CALN1: variants seen among roughly 807,000 people sequenced by gnomAD.
CALN1 encodes the protein calcium-binding protein 8.
A neutral mutation model predicts 30.6 loss-of-function variants in CALN1; 17 were observed. That is an observed-to-expected ratio of 0.56 (90% CI 0.38 to 0.83). CALN1 has a LOEUF of 0.83. CALN1 is among the 40% of genes least tolerant of loss of function. CALN1 has a pLI of 0.00. For synonymous variants in CALN1, 156 were observed against 131.4 expected (o/e 1.19, Z -1.28); for missense variants, 291 against 354.9 (o/e 0.82, Z 1.45).
intron 3 of CALN1, among the ~76,000 whole-genome samples, chr7:72,211,686 G>T (rs927052645): frequency 2.6e-5 from 4 of 152,218 alleles, no homozygotes; most frequent in Non-Finnish European, 5.9e-5. Flanking sequence ...GCATGTGCTT[G>T]TTCCTATTGA....
Position 71,779,502 on chromosome 7 carries a change from A to G in CALN1, c.*8273T>C, listed in dbSNP as rs1421218343. On this transcript the variant is annotated 3_prime_UTR_variant, in exon 7 of 7. Coordinates refer to ENST00000395275, the MANE Select transcript of CALN1 (RefSeq NM_031468.4). Reference sequence around the variant, plus strand: ...AATGGAATCTCTTGTCAAAAGAAAAAAAAACTTTTATTTTTTCTATTGCAT... The same window carrying G: ...AATGGAATCTCTTGTCAAAAGAAAAGAAAACTTTTATTTTTTCTATTGCAT... 3.3e-5 allele frequency: 5 copies of G among 152,114 alleles called. No individual in the cohort carries two copies. The highest frequency in any genetic ancestry group is 1.2e-4 in the African/African-American group (5 of 41,372). The allele number at this position is 152,114 out of a possible 1,614,324, so 9.4% of individuals were successfully genotyped here.
At chr7:71,957,419 C>T (rs778687014) in intron 5 of CALN1, among the ~76,000 whole-genome samples, 5 of 152,088 alleles carry the variant, frequency 3.3e-5, no homozygotes, top group East Asian at 1.9e-4. Context: ...ACACTCTTTT[C>T]GTAGTAAGCA....
intron 4 of CALN1, among the ~76,000 whole-genome samples, chr7:72,078,752 A>G (rs535957019): frequency 6.6e-4 from 100 of 152,262 alleles, no homozygotes; most frequent in African/African-American, 2.1e-3. Context: ...CCTGGCCAAC[A>G]TGGTGAAACC....
At chr7:72,237,638 A>C (rs1344500088) in intron 3 of CALN1, among the ~76,000 whole-genome samples, 6 of 152,164 alleles carry the variant, frequency 3.9e-5, no homozygotes, top group Non-Finnish European at 7.3e-5. Context: ...CTTGGGGCTG[A>C]GTTCTGGGAG....
At chr7:72,158,671 T>A (rs1456564635) in intron 3 of CALN1, among the ~76,000 whole-genome samples, 2 of 152,140 alleles carry the variant, frequency 1.3e-5, no homozygotes, top group Non-Finnish European at 2.9e-5. Context: ...CTTTGCTTGA[T>A]GTGTATCTGC....
At chr7:72,304,101 G>A (rs1368548277) in intron 2 of CALN1, among the ~76,000 whole-genome samples, 1 of 152,208 alleles carries the variant, frequency 6.6e-6, no homozygotes, top group African/African-American at 2.4e-5. Context: ...ATGAAGAGGT[G>A]CTAAGCCCTC....
chr7:71,815,844 T>C (rs989215574), intron 5 of CALN1, among the ~76,000 whole-genome samples: 1 of 112,370 alleles, frequency 8.9e-6, no homozygotes, highest in Non-Finnish European at 1.7e-5. Context: ...CCCTCCCTCC[T>C]TCCTTCCTTC....
intron 3 of CALN1, among the ~76,000 whole-genome samples, chr7:72,209,317 C>CGT: frequency 5.9e-5 from 5 of 84,448 alleles, no homozygotes; most frequent in African/African-American, 3.3e-4. Context: ...TCCCTCCTTC[C>CGT]CTCCTTCCCT....
intron 1 of CALN1, among the ~76,000 whole-genome samples, chr7:72,427,886 G>A (rs745419892): frequency 3.0e-4 from 46 of 152,062 alleles, no homozygotes; most frequent in Admixed American, 1.1e-3. Flanking sequence ...AATGACTGTT[G>A]CGTGGTCCAG....
upstream of CALN1, among the ~76,000 whole-genome samples, chr7:72,414,659 G>A (rs939981582): frequency 6.6e-6 from 1 of 152,198 alleles, no homozygotes; most frequent in East Asian, 1.9e-4. Context: ...ATTTCTCCCA[G>A]GACGACTGAG....
chr7:72,022,547 CA>C (rs1800762526), intron 5 of CALN1, among the ~76,000 whole-genome samples: 1 of 152,170 alleles, frequency 6.6e-6, no homozygotes, highest in East Asian at 1.9e-4. Flanking sequence ...CATGCGCCAT[CA>C]CATTTGGCTA....
chr7:72,097,295 A>C (rs1386785496), intron 4 of CALN1, among the ~76,000 whole-genome samples: 2 of 152,204 alleles, frequency 1.3e-5, no homozygotes, highest in African/African-American at 4.8e-5. Flanking sequence ...GTACCCTAGA[A>C]CTTAAAGTGT....
chr7:72,129,180 TATTTC>T (rs1808970841), intron 3 of CALN1, among the ~76,000 whole-genome samples: 1 of 152,216 alleles, frequency 6.6e-6, no homozygotes, highest in Non-Finnish European at 1.5e-5. Flanking sequence ...TGTATACTTA[TATTTC>T]ACCTAGAAGG....
At position 71,780,106 on chromosome 7, in the gene CALN1, G is replaced by A. The variant is rs557236372; in HGVS notation, c.*7669C>T. ...TTTCTGAGTCTAATTTTTCTCCAAAGTCATTGTTTTTGGTTGGTCCTTGGA... is the reference window on the plus strand; with the variant it reads ...TTTCTGAGTCTAATTTTTCTCCAAAATCATTGTTTTTGGTTGGTCCTTGGA... On this transcript the variant is annotated 3_prime_UTR_variant, in exon 7 of 7. Transcript: ENST00000395275. 1.1e-4 allele frequency: 16 copies of A among 152,300 alleles called. No homozygotes were observed. The highest frequency in any genetic ancestry group is 3.6e-4 in the African/African-American group (15 of 41,558). 9.4% of individuals were successfully genotyped at this position (152,300 alleles called of 1,614,324 possible). A position where few individuals can be genotyped will look rare whatever the true frequency, so the allele number is the denominator to read the frequency against.
chr7:72,016,998 CAAAAAAA>C (rs754201004), intron 5 of CALN1, among the ~76,000 whole-genome samples: 1 of 31,962 alleles, frequency 3.1e-5, no homozygotes, highest in African/African-American at 1.5e-4. Context: ...ACTAAAAATA[CAAAAAAA>C]AAAAAAAAAA....
chr7:72,004,566 T>C (rs1799676799), intron 5 of CALN1, among the ~76,000 whole-genome samples: 1 of 152,140 alleles, frequency 6.6e-6, no homozygotes, highest in Non-Finnish European at 1.5e-5. Context: ...CTTTTGTTCT[T>C]CCAAAGGTTG....
At chr7:72,086,360 C>T (rs1024351374) in intron 4 of CALN1, among the ~76,000 whole-genome samples, 6 of 152,130 alleles carry the variant, frequency 3.9e-5, no homozygotes, top group African/African-American at 1.4e-4. Flanking sequence ...CTATACATTT[C>T]GCCTAACCCT....
intron 5 of CALN1, among the ~76,000 whole-genome samples, chr7:71,899,300 T>C (rs1441478225): frequency 6.6e-6 from 1 of 152,068 alleles, no homozygotes; most frequent in Non-Finnish European, 1.5e-5. Flanking sequence ...TGTGCCACCG[T>C]GCCTGGCGAA....
intron 5 of CALN1, among the ~76,000 whole-genome samples, chr7:71,931,691 C>G (rs142906298): frequency 4.3e-4 from 66 of 152,316 alleles, no homozygotes; most frequent in African/African-American, 1.5e-3. Flanking sequence ...GCCGTTGCTA[C>G]TGAGGGATAC....
Sources: gnomAD v4.1 joint callset for allele counts (sites outside exome capture counted in the v4.1 genomes callset) on GRCh38, gnomAD v4.1.1 for gene constraint, MANE v1.5 for transcripts, NCBI Gene and HGNC (gene_info 2026-07-23, HGNC 2026-07-21) for gene names.